PLCB4: variants seen among roughly 807,000 people sequenced by gnomAD.
PLCB4 encodes phospholipase C beta 4, also known as 1-phosphatidylinositol 4,5-bisphosphate phosphodiesterase beta-4.
In PLCB4, 77 loss-of-function variants were observed where a neutral mutation model predicts 178.8. That is an observed-to-expected ratio of 0.43 (90% CI 0.36 to 0.52). PLCB4 has a LOEUF of 0.52. Among genes scored for constraint, PLCB4 ranks in the 20% least tolerant of loss-of-function variants. The pLI, the probability that PLCB4 is intolerant of heterozygous loss-of-function variation, is 0.00. For synonymous variants in PLCB4, 496 were observed against 490.8 expected, an observed-to-expected ratio of 1.01 and a Z score of -0.14; for missense variants, 1,024 against 1,453.4, an observed-to-expected ratio of 0.70 and a Z score of 4.80.
intron 2 of PLCB4, among the ~76,000 whole-genome samples, chr20:9,170,365 A>G (rs542411948): frequency 4.9e-4 from 74 of 152,336 alleles, no homozygotes; most frequent in Non-Finnish European, 8.8e-4. Flanking sequence ...AGCTTAGATT[A>G]TCTGTTTTTT....
At chr20:9,258,550 A>G (rs1204568201) in intron 3 of PLCB4, among the ~76,000 whole-genome samples, 1 of 151,890 alleles carries the variant, frequency 6.6e-6, no homozygotes, top group Non-Finnish European at 1.5e-5. Context: ...CCCCGTCTCT[A>G]CTAAAAATAC....
At chr20:9,262,212 A>T (rs2094304931) in intron 3 of PLCB4, among the ~76,000 whole-genome samples, 1 of 152,168 alleles carries the variant, frequency 6.6e-6, no homozygotes. Flanking sequence ...AACTTTTTTT[A>T]AAAAGTGGAA....
In PLCB4 at chr20:9,395,475, A is replaced by G. The variant is rs1323435216; in HGVS notation, c.1415-48A>G. On this transcript the variant is annotated intron_variant, in intron 18 of 39. Transcript: ENST00000378473. ...GTCGATCTCAAGGCCTAGGGTTTGT[A>G]TGTTACCTAGCATCTGTCACCATCT... 3.1e-6 allele frequency: 4 copies of G among 1,287,810 alleles called. No individual in the cohort carries two copies. The African/African-American group carries it at 5.9e-5, about 19-fold the overall frequency. The allele number at this position is 1,287,810 out of a possible 1,614,324, so 79.8% of individuals were successfully genotyped here.
rs770221881 is a variant in PLCB4 at position 9,387,445 on chromosome 20, A to C, written c.1065-18A>C. 1 of 1,285,134 alleles carries C rather than the reference A, an allele frequency of 7.8e-7. No homozygotes were observed. The highest frequency in any genetic ancestry group is 1.3e-5 in the South Asian group (1 of 76,790). 79.6% of individuals were successfully genotyped at this position (1,285,134 alleles called of 1,614,324 possible). A position where few individuals can be genotyped will look rare whatever the true frequency, so the allele number is the denominator to read the frequency against. On this transcript the variant is annotated intron_variant, in intron 14 of 39. Coordinates refer to ENST00000378473, the MANE Select transcript of PLCB4 (RefSeq NM_001377142.1). ...TTCATTGTAAAGTTTCAATATTGTAACTTCACTATATCCCTAGATGTGTTG... is the reference window on the plus strand; with the variant it reads ...TTCATTGTAAAGTTTCAATATTGTACCTTCACTATATCCCTAGATGTGTTG...
intron 13 of PLCB4, among the ~76,000 whole-genome samples, chr20:9,383,295 T>C (rs73895733): frequency 0.013 from 2,037 of 152,316 alleles, 57 homozygotes; most frequent in African/African-American, 0.046. Context: ...ATGTATTCTT[T>C]TACATGTAAG....
chr20:9,166,554 G>T (rs1028000127), intron 2 of PLCB4: 2 of 152,124 alleles, frequency 1.3e-5, no homozygotes, highest in African/African-American at 4.8e-5. Context: ...TCATCCCGAG[G>T]CTCCTGCCCC....
chr20:9,355,318 C>T (rs971554730), intron 7 of PLCB4, among the ~76,000 whole-genome samples: 8 of 151,532 alleles, frequency 5.3e-5, no homozygotes, highest in Non-Finnish European at 7.4e-5. Flanking sequence ...TTATACTTCA[C>T]GTTTTAGGGT....
intron 2 of PLCB4, among the ~76,000 whole-genome samples, chr20:9,149,077 G>A (rs1224535166): frequency 2.0e-5 from 3 of 152,162 alleles, no homozygotes; most frequent in Admixed American, 2.0e-4. Context: ...CCAACAGGAA[G>A]CACTGGTGGA....
chr20:9,098,418 T>C (rs981232241), intron 2 of PLCB4, among the ~76,000 whole-genome samples: 16 of 152,074 alleles, frequency 1.1e-4, no homozygotes, highest in Non-Finnish European at 1.5e-5. Flanking sequence ...AGTTGCTTTT[T>C]CGCATTTATC....
Position 9,478,923 on chromosome 20 carries a change from G to T in PLCB4, c.3535G>T (p.Glu1179Ter), listed in dbSNP as rs761885301. 14 of 1,612,462 alleles carry T rather than the reference G, an allele frequency of 8.7e-6. No homozygotes were observed. The highest frequency in any genetic ancestry group is 1.2e-5 in the Non-Finnish European group (14 of 1,178,634). ...AGGCCATGTTTCTGATGTTATAGGC[G>T]AAGGAGATGCAGCAGATGGTGAAAT... is the stretch of plus-strand genomic sequence containing the variant. ...SCHAVSQTQG[E>*]GDAADGEIGS... Residue 1179 changes from glutamate to a stop codon, truncating the protein, a stop_gained and splice_region_variant, in exon 40 of 40, where the codon GAA becomes TAA. Coordinates refer to ENST00000378473, the MANE Select transcript of PLCB4 (RefSeq NM_001377142.1). LOFTEE classifies it high-confidence loss of function.
intron 2 of PLCB4, among the ~76,000 whole-genome samples, chr20:9,129,600 AC>A (rs1252998212): frequency 2.0e-5 from 3 of 152,070 alleles, no homozygotes; most frequent in Non-Finnish European, 4.4e-5. Context: ...ATCTATTTAC[AC>A]CCAGGGATAC....
chr20:9,455,178 G>A (rs1167653910), intron 33 of PLCB4, among the ~76,000 whole-genome samples: 3 of 152,128 alleles, frequency 2.0e-5, no homozygotes, highest in Admixed American at 6.6e-5. Context: ...TAATACCAAG[G>A]AGCAAATTGT....
rs529295581 is a variant in PLCB4 at position 9,335,735 on chromosome 20, A to G, written c.85-1391A>G. On this transcript the variant is annotated intron_variant, in intron 4 of 39. Coordinates refer to ENST00000378473, the MANE Select transcript of PLCB4 (RefSeq NM_001377142.1). ...AAAGGGTCTTTCTGGGAGAGAGTAC[A>G]TAACAAATGGTGGAACTGGGTTTTA... Among the ~76,000 whole-genome samples the G allele has an allele frequency of 1.5e-4, 23 of 152,342 alleles. No individual in the cohort carries two copies. The South Asian group carries it at 4.6e-3, about 30-fold the overall frequency.
chr20:9,295,897 A>G (rs2094628204), intron 3 of PLCB4, among the ~76,000 whole-genome samples: 1 of 152,206 alleles, frequency 6.6e-6, no homozygotes, highest in Non-Finnish European at 1.5e-5. Context: ...CTAAAACCAT[A>G]AAAACTGTAG....
At chr20:9,232,298 G>T (rs1166202890) in intron 3 of PLCB4, among the ~76,000 whole-genome samples, 1 of 152,078 alleles carries the variant, frequency 6.6e-6, no homozygotes, top group Non-Finnish European at 1.5e-5. Flanking sequence ...TTGGCAATTT[G>T]GGAGGAATTG....
intron 3 of PLCB4, among the ~76,000 whole-genome samples, chr20:9,250,737 T>C (rs2094172045): frequency 6.6e-6 from 1 of 152,196 alleles, no homozygotes; most frequent in Non-Finnish European, 1.5e-5. Context: ...TCTAGATTAC[T>C]TCACCTCAAA....
At chr20:9,081,470 G>T (rs1307600605) in intron 1 of PLCB4, among the ~76,000 whole-genome samples, 1 of 152,144 alleles carries the variant, frequency 6.6e-6, no homozygotes. Flanking sequence ...CTATGACTTT[G>T]CACTCAATCC....
At chr20:9,453,223 G>T (rs2042873357) in intron 32 of PLCB4, 124 bp from the exon 33 acceptor site, 1 of 630,554 alleles carries the variant, frequency 1.6e-6, no homozygotes, top group Admixed American at 2.9e-5. Context: ...ACTGTTCTCA[G>T]ATTTGGTTAT....
chr20:9,405,262 G>T, intron 20 of PLCB4, 51 bp from the exon 21 acceptor site: 1 of 964,182 alleles, frequency 1.0e-6, no homozygotes. Context: ...TAATAAATTT[G>T]GAATTTTGCC....
Sources: gnomAD v4.1 joint callset for allele counts (sites outside exome capture counted in the v4.1 genomes callset) on GRCh38, gnomAD v4.1.1 for gene constraint, MANE v1.5 for transcripts, NCBI Gene and HGNC (gene_info 2026-07-23, HGNC 2026-07-21) for gene names.